GRK1: variants seen among roughly 807,000 people sequenced by gnomAD.
GRK1 encodes the protein G protein-coupled receptor kinase 1, also known as rhodopsin kinase GRK1.
GRK1 carries 28 observed loss-of-function variants against 41.7 expected under a neutral mutation model. That is an observed-to-expected ratio of 0.67 (90% CI 0.50 to 0.92). GRK1 has a LOEUF of 0.92. Among genes scored for constraint, GRK1 ranks in the 40% least tolerant of loss-of-function variants. The pLI, the probability that GRK1 is intolerant of heterozygous loss-of-function variation, is 0.00. For missense variants in GRK1, 703 were observed against 671.2 expected (o/e 1.05, Z -0.52); for synonymous variants, 327 against 286.7 (o/e 1.14, Z -1.42).
chr13:113,733,471 G>A (rs578158094), intron 6 of GRK1, among the ~76,000 whole-genome samples: 7 of 147,362 alleles, frequency 4.8e-5, no homozygotes, highest in African/African-American at 7.5e-5. Flanking sequence ...AAGTGGATGC[G>A]GAAGATACTA....
At chr13:113,659,387 A>G in the GRK1 span, among the ~76,000 whole-genome samples, 2 of 152,138 alleles carry the variant, frequency 1.3e-5, no homozygotes, top group East Asian at 1.9e-4. Flanking sequence ...AGAGTTTCCC[A>G]TACTGTCAAC....
intron 6 of GRK1, among the ~76,000 whole-genome samples, chr13:113,733,948 GTGTGTGCATA>G (rs1297716496): frequency 7.0e-6 from 1 of 143,282 alleles, no homozygotes; most frequent in African/African-American, 2.6e-5. Context: ...GTGTGTGCGT[GTGTGTGCATA>G]CGTGTGTGTG....
the GRK1 span, among the ~76,000 whole-genome samples, chr13:113,658,744 T>C: frequency 3.9e-5 from 6 of 152,126 alleles, no homozygotes; most frequent in Middle Eastern, 3.2e-3. Context: ...GCCTCCCAGA[T>C]TCACCCAGAG....
In GRK1 at chr13:113,735,515, G is replaced by A. The variant is rs1422944038; in HGVS notation, c.*152G>A. On this transcript the variant is annotated 3_prime_UTR_variant, in exon 7 of 7. Transcript: ENST00000335678. ...TCACGCCATCTCCTTGCGGCCCAAG[G>A]AGGAGAAAGCCCACATCGGCCTGAG... 2.3e-6 allele frequency: 2 copies of A among 863,408 alleles called. No individual in the cohort carries two copies. The highest frequency in any genetic ancestry group is 3.3e-6 in the Non-Finnish European group (2 of 604,468). The allele number at this position is 863,408 out of a possible 1,614,324, so 53.5% of individuals were successfully genotyped here.
At chr13:113,733,276 G>A (rs887382229) in intron 6 of GRK1, among the ~76,000 whole-genome samples, 191 bp downstream of exon 6, 2 of 152,198 alleles carry the variant, frequency 1.3e-5, no homozygotes, top group African/African-American at 2.4e-5. Flanking sequence ...CGATGGAGCC[G>A]GCATCGGGCC....
At chr13:113,650,572 C>G in the GRK1 span, 357 of 1,309,904 alleles carry the variant, frequency 2.7e-4, no homozygotes, top group Non-Finnish European at 3.6e-4. The surrounding 1 kb of genome is among the most constrained non-coding windows in gnomAD (Gnocchi z 5.0). Flanking sequence ...CTGTGTGTTG[C>G]GTTTGTGTGC....
At chr13:113,733,539 A>G (rs1301975633) in intron 6 of GRK1, among the ~76,000 whole-genome samples, 13 of 105,938 alleles carry the variant, frequency 1.2e-4, no homozygotes, top group African/African-American at 3.1e-4. Context: ...GCGTGTGTGC[A>G]TGCGTGTGCG....
At chr13:113,651,670 C>G in the GRK1 span, 1 of 1,612,350 alleles carries the variant, frequency 6.2e-7, no homozygotes, top group Non-Finnish European at 8.5e-7. Context: ...GCCGTACTCA[C>G]CAGGAAGGCG....
At chr13:113,651,431 C>T in the GRK1 span, among the ~76,000 whole-genome samples, 4 of 152,358 alleles carry the variant, frequency 2.6e-5, no homozygotes, top group Admixed American at 2.0e-4. Context: ...GCTGCTGACA[C>T]GCTACTCAGA....
rs867427547 is a variant in GRK1 at position 113,735,240 on chromosome 13, C to T, written c.1569C>T (p.Ile523=). 25 of 1,537,040 alleles carry T rather than the reference C, an allele frequency of 1.6e-5. No homozygotes were observed. In the African/African-American group the frequency reaches 2.1e-4, roughly 13 times the overall value. The change falls in exon 7 of 7, where the codon ATC becomes ATT. Residue 523 remains isoleucine, a synonymous_variant. Coordinates refer to ENST00000335678, the MANE Select transcript of GRK1 (RefSeq NM_002929.3). ...CCATCCCCTGGCAGGAGGAGATGAT[C>T]GAGACGGGCATCTTTGGCGAGCTGA... is the stretch of plus-strand genomic sequence containing the variant. ...NCPIPWQEEM[I]ETGIFGELNV... is the part of the protein sequence containing the mutation.
intron 4 of GRK1, among the ~76,000 whole-genome samples, chr13:113,729,818 G>A (rs1489330767): frequency 1.1e-4 from 17 of 149,280 alleles, no homozygotes; most frequent in Non-Finnish European, 1.6e-4. Context: ...CAGTTGCCAC[G>A]GCTGAGCCCA....
chr13:113,660,728 A>G, the GRK1 span, among the ~76,000 whole-genome samples: 3 of 152,378 alleles, frequency 2.0e-5, no homozygotes, highest in African/African-American at 7.2e-5. Context: ...AAAAGACAAT[A>G]TATGCCAACA....
At chr13:113,729,119 G>A (rs1033868539) in intron 4 of GRK1, among the ~76,000 whole-genome samples, 31 of 152,302 alleles carry the variant, frequency 2.0e-4, no homozygotes, top group African/African-American at 6.3e-4. Flanking sequence ...ACTGTGGGAC[G>A]AGGCAGAGAA....
At chr13:113,651,472 C>T in the GRK1 span, among the ~76,000 whole-genome samples, 12 of 151,588 alleles carry the variant, frequency 7.9e-5, no homozygotes, top group African/African-American at 2.9e-4. Flanking sequence ...TAAGAAAAAG[C>T]CCCATTGTTT....
intron 4 of GRK1, among the ~76,000 whole-genome samples, chr13:113,729,951 G>T (rs1284111836): frequency 7.0e-6 from 1 of 141,946 alleles, no homozygotes; most frequent in Non-Finnish European, 1.5e-5. Context: ...CCCCGCGGCT[G>T]CGCCCAAACC....
At chr13:113,734,242 T>C (rs2049986105) in intron 6 of GRK1, among the ~76,000 whole-genome samples, 1 of 152,304 alleles carries the variant, frequency 6.6e-6, no homozygotes, top group East Asian at 1.9e-4. Context: ...TTTCGTATGT[T>C]AGGGTCACAG....
At chr13:113,661,722 A>T in the GRK1 span, among the ~76,000 whole-genome samples, 6 of 152,362 alleles carry the variant, frequency 3.9e-5, no homozygotes, top group Non-Finnish European at 5.9e-5. Flanking sequence ...AATTCTACAT[A>T]CATAAACTTT....
chr13:113,730,791 C>A (rs1235244925), intron 4 of GRK1, among the ~76,000 whole-genome samples: 1 of 152,262 alleles, frequency 6.6e-6, no homozygotes, highest in East Asian at 1.9e-4. Flanking sequence ...TCCTCTCCAA[C>A]GTGGTTCCCA....
Position 113,731,098 on chromosome 13 carries a change from T to G in GRK1, c.1070-121T>G, listed in dbSNP as rs1028350207. The G allele has an allele frequency of 3.6e-6, 5 of 1,373,542 alleles. No homozygotes were observed. In the African/African-American group the frequency reaches 4.4e-5, roughly 12 times the overall value. 85.1% of individuals were successfully genotyped at this position (1,373,542 alleles called of 1,614,324 possible). On this transcript the variant is annotated intron_variant, in intron 4 of 6. Coordinates refer to ENST00000335678, the MANE Select transcript of GRK1 (RefSeq NM_002929.3). This position sits in a 1 kb window ranked among gnomAD's most constrained non-coding sequence, Gnocchi z 5.6. ...CCACAAAGGATTTTCTGGCCCCAAA[T>G]GTGGAGAGTGCTGAGGCCCCGGGGG...
Sources: gnomAD v4.1 joint callset for allele counts (sites outside exome capture counted in the v4.1 genomes callset) on GRCh38, gnomAD v4.1.1 for gene constraint, Gnocchi (gnomAD v3.1) non-coding constraint, MANE v1.5 for transcripts, NCBI Gene and HGNC (gene_info 2026-07-23, HGNC 2026-07-21) for gene names.